SLC35D4: variants seen among roughly 807,000 people sequenced by gnomAD.
SLC35D4 encodes the protein solute carrier family 35 member D4.
chr18:23,398,431 T>C, the SLC35D4 span, among the ~76,000 whole-genome samples: 1 of 152,180 alleles, frequency 6.6e-6, no homozygotes. Flanking sequence ...GGAAACACTC[T>C]TTGCAGGCCA....
chr18:23,430,321 G>A, the SLC35D4 span, among the ~76,000 whole-genome samples: 376 of 151,774 alleles, frequency 2.5e-3, no homozygotes, highest in Middle Eastern at 0.037. Context: ...CAATCCTCTT[G>A]CCTCAGCCTC....
At chr18:23,257,199 C>T in the SLC35D4 span, 3 of 1,606,366 alleles carry the variant, frequency 1.9e-6, no homozygotes, top group Non-Finnish European at 2.5e-6. Context: ...TCAAAATGAA[C>T]ATGCTTTTGA....
the SLC35D4 span, among the ~76,000 whole-genome samples, chr18:23,431,026 C>T: frequency 5.3e-5 from 8 of 151,752 alleles, no homozygotes; most frequent in East Asian, 1.5e-3. Flanking sequence ...TGGTGGTGCG[C>T]ACATGTAGTC....
the SLC35D4 span, among the ~76,000 whole-genome samples, chr18:23,245,822 G>A: frequency 1.3e-5 from 2 of 152,214 alleles, no homozygotes; most frequent in Non-Finnish European, 2.9e-5. Context: ...GTGACCTCTC[G>A]CTCCATGAGC....
the SLC35D4 span, among the ~76,000 whole-genome samples, chr18:23,263,980 C>G: frequency 6.6e-6 from 1 of 152,210 alleles, no homozygotes; most frequent in African/African-American, 2.4e-5. Context: ...GACTGGATTC[C>G]ATCACCATGA....
the SLC35D4 span, among the ~76,000 whole-genome samples, chr18:23,290,034 T>C: frequency 2.6e-5 from 4 of 152,190 alleles, no homozygotes; most frequent in Non-Finnish European, 5.9e-5. Context: ...TCTCTTCACA[T>C]GGACGCGCAT....
chr18:23,371,102 T>TC, the SLC35D4 span, among the ~76,000 whole-genome samples: 33 of 147,232 alleles, frequency 2.2e-4, no homozygotes, highest in East Asian at 2.1e-3. Context: ...TCTCTCTCTC[T>TC]TTCTTTTTTT....
chr18:23,395,296 C>G, the SLC35D4 span, among the ~76,000 whole-genome samples: 3 of 152,166 alleles, frequency 2.0e-5, no homozygotes, highest in Non-Finnish European at 4.4e-5. Context: ...AGAGGACCCA[C>G]GGGTACCATT....
the SLC35D4 span, among the ~76,000 whole-genome samples, chr18:23,336,683 G>T: frequency 6.6e-6 from 1 of 152,152 alleles, no homozygotes; most frequent in South Asian, 2.1e-4. Context: ...GCTTCGAAAC[G>T]TGATGGGAAG....
At chr18:23,392,141 T>C in the SLC35D4 span, among the ~76,000 whole-genome samples, 1 of 152,124 alleles carries the variant, frequency 6.6e-6, no homozygotes, top group South Asian at 2.1e-4. Context: ...TTTTGCCACG[T>C]TGGCCAGGCT....
the SLC35D4 span, among the ~76,000 whole-genome samples, chr18:23,286,537 C>T: frequency 0.01 from 1,587 of 152,084 alleles, 24 homozygotes; most frequent in African/African-American, 0.037. Context: ...CTGATGCTGC[C>T]CGATCGCCTC....
At chr18:23,401,550 C>T in the SLC35D4 span, among the ~76,000 whole-genome samples, 1 of 152,208 alleles carries the variant, frequency 6.6e-6, no homozygotes, top group African/African-American at 2.4e-5. Context: ...TCCCACTTGA[C>T]ATTAAGCTCA....
At chr18:23,262,706 C>T in the SLC35D4 span, among the ~76,000 whole-genome samples, 1 of 152,340 alleles carries the variant, frequency 6.6e-6, no homozygotes, top group South Asian at 2.1e-4. Context: ...CAGGTGGGCC[C>T]AGGGTTGGCC....
At chr18:23,303,881 G>A in the SLC35D4 span, among the ~76,000 whole-genome samples, 15 of 149,930 alleles carry the variant, frequency 1.0e-4, no homozygotes, top group African/African-American at 3.7e-4. Flanking sequence ...CAGCCTGGGC[G>A]ACAGAGCAAA....
the SLC35D4 span, among the ~76,000 whole-genome samples, chr18:23,353,816 A>C: frequency 6.6e-6 from 1 of 152,180 alleles, no homozygotes; most frequent in Non-Finnish European, 1.5e-5. Flanking sequence ...CGTAACCTTA[A>C]CCAAATCCCC....
At chr18:23,314,534 T>C in the SLC35D4 span, among the ~76,000 whole-genome samples, 3 of 152,210 alleles carry the variant, frequency 2.0e-5, no homozygotes, top group Non-Finnish European at 2.9e-5. Flanking sequence ...GTCTTTCTCA[T>C]ACATTACATT....
At chr18:23,286,964 T>C in the SLC35D4 span, among the ~76,000 whole-genome samples, 2 of 151,562 alleles carry the variant, frequency 1.3e-5, no homozygotes, top group Admixed American at 6.6e-5. Context: ...AAGATACCTC[T>C]ACTCCCTCCT....
At chr18:23,309,228 T>TTGTGTGTG in the SLC35D4 span, among the ~76,000 whole-genome samples, 2 of 145,674 alleles carry the variant, frequency 1.4e-5, no homozygotes, top group East Asian at 4.2e-4. Context: ...AAAGGGCTGA[T>TTGTGTGTG]TGTGTGTGTG....
the SLC35D4 span, among the ~76,000 whole-genome samples, chr18:23,391,840 A>G: frequency 1.3e-5 from 2 of 152,162 alleles, no homozygotes; most frequent in South Asian, 2.1e-4. Context: ...TTCAGACCCA[A>G]TTGTAATTAT....
Sources: allele counts gnomAD v4.1 joint callset (sites outside exome capture counted in the v4.1 genomes callset), GRCh38; gene constraint gnomAD v4.1.1; transcripts MANE v1.5; gene names NCBI Gene and HGNC (gene_info 2026-07-23, HGNC 2026-07-21).